RD3L: variants seen among roughly 807,000 people sequenced by gnomAD.
The protein encoded by RD3L is protein RD3-like.
A neutral mutation model predicts 12.5 loss-of-function variants in RD3L; 6 were observed. The observed-to-expected ratio is 0.48, with a 90% CI of 0.26 to 0.95. RD3L has a LOEUF of 0.95. Among genes scored for constraint, RD3L ranks in the 40% least tolerant of loss-of-function variants. The pLI is 0.14. For synonymous variants in RD3L, 87 were observed against 79.3 expected (o/e 1.10, Z -0.52); for missense variants, 234 against 228.6 (o/e 1.02, Z -0.15).
At chr14:103,941,793 G>A (rs2031253073) in intron 1 of RD3L, 91 bp from the exon 2 acceptor site, 6 of 932,288 alleles carry the variant, frequency 6.4e-6, no homozygotes, top group Non-Finnish European at 9.3e-6. Flanking sequence ...TGCCCGAAAA[G>A]TGCACGATTT....
At position 103,940,758 on chromosome 14, in the gene RD3L, A is replaced by G. The variant is rs1189617014; in HGVS notation, c.*48T>C. On this transcript the variant is annotated 3_prime_UTR_variant, in exon 3 of 3. Coordinates refer to ENST00000557640, the MANE Select transcript of RD3L (RefSeq NM_001257268.2). ...CACATCACTTTTTCTTATTCTTAAT[A>G]TTAGGAGTTCTAAGGTGTTCATAAA... The G allele has an allele frequency of 2.4e-6, 3 of 1,260,270 alleles. No individual in the cohort carries two copies. The highest frequency in any genetic ancestry group is 2.8e-5 in the South Asian group (2 of 72,330). The allele number at this position is 1,260,270 out of a possible 1,614,324, so 78.1% of individuals were successfully genotyped here. A position where few individuals can be genotyped will look rare whatever the true frequency, so the allele number is the denominator to read the frequency against.
In RD3L at chr14:103,941,384, A is replaced by T; in HGVS notation, c.299+13T>A. 1 of 1,519,818 alleles carries T rather than the reference A, an allele frequency of 6.6e-7. No individual in the cohort carries two copies. Among genetic ancestry groups the T allele is most frequent in the Non-Finnish European group, 8.8e-7 (1 of 1,135,042 alleles). 94.1% of individuals were successfully genotyped at this position (1,519,818 alleles called of 1,614,324 possible). On this transcript the variant is annotated intron_variant, in intron 2 of 2. Transcript: ENST00000557640. Reference sequence around the variant, plus strand: ...GCAGTAGCAGGAATCATAAGAGAACATAGTATTTTTACCTGCTGAGAATAG... The same window carrying T: ...GCAGTAGCAGGAATCATAAGAGAACTTAGTATTTTTACCTGCTGAGAATAG...
rs1240538864 is a variant in RD3L, at chr14:103,942,501, T to C, written c.-417A>G. ...CGAAGAATGGTCGTCTAAAGCACCA[T>C]AGATGCGCTCCGAGCTAGAGTGAAG... On this transcript the variant is annotated 5_prime_UTR_variant, in exon 1 of 3. The change abolishes an upstream ATG in the 5' untranslated region. Coordinates refer to ENST00000557640, the MANE Select transcript of RD3L (RefSeq NM_001257268.2). Among the ~76,000 whole-genome samples the C allele has an allele frequency of 3.3e-5, 5 of 152,210 alleles. No homozygotes were observed. The highest frequency in any genetic ancestry group is 5.9e-5 in the Non-Finnish European group (4 of 68,032).
In RD3L at chr14:103,941,471, T is replaced by G. The variant is rs577604191; in HGVS notation, c.225A>C (p.Pro75=). 2 of 1,535,394 alleles carry G rather than the reference T, an allele frequency of 1.3e-6. No individual in the cohort carries two copies. Among genetic ancestry groups the G allele is most frequent in the African/African-American group, 2.7e-5 (2 of 73,176 alleles). The change falls in exon 2 of 3, where the codon CCA becomes CCC. Residue 75 remains proline, a synonymous_variant. Coordinates refer to ENST00000557640, the MANE Select transcript of RD3L (RefSeq NM_001257268.2). Reference sequence around the variant, plus strand: ...CTTCAAGTTGTCTTTGTTCAGTCACTGGGATAGTTGTGTGGGGATTCTGGT... The same window carrying G: ...CTTCAAGTTGTCTTTGTTCAGTCACGGGGATAGTTGTGTGGGGATTCTGGT... ...RNYQNPHTTI[P]VTEQRQLEVL... is the part of the protein sequence containing the mutation.
chr14:103,941,574 C>T lies in RD3L; in HGVS notation c.122G>A (p.Arg41Gln), dbSNP rs983419285. The stretch of plus-strand genomic sequence containing the variant: ...TTCGATTTCTTGTATTAATCTCTCT[C>T]GCTCCTTTAGGTGCCATTTTAATTC... ...LRELKWHLKE[R>Q]ERLIQEIENE... The change falls in exon 2 of 3, where the codon CGA becomes CAA. Residue 41 changes from arginine (R) to glutamine (Q), a missense_variant. Transcript: ENST00000557640. 1.2e-5 allele frequency: 19 copies of T among 1,535,104 alleles called. No individual in the cohort carries two copies. Among genetic ancestry groups the T allele is most frequent in the Admixed American group, 7.9e-5 (4 of 50,948 alleles).
chr14:103,941,474 G>A lies in RD3L; in HGVS notation c.222C>T (p.Ile74=). Residue 74 remains isoleucine (I), a synonymous_variant, in exon 2 of 3, where the codon ATC becomes ATT. Coordinates refer to ENST00000557640, the MANE Select transcript of RD3L (RefSeq NM_001257268.2). ...CAAGTTGTCTTTGTTCAGTCACTGG[G>A]ATAGTTGTGTGGGGATTCTGGTAGT... ...LRNYQNPHTT[I]PVTEQRQLEV... 1.3e-6 allele frequency: 2 copies of A among 1,535,278 alleles called. No individual in the cohort carries two copies. Among genetic ancestry groups the A allele is most frequent in the African/African-American group, 1.4e-5 (1 of 73,164 alleles).
rs1254896859 is a variant in RD3L, at chr14:103,940,658, TA to T, written c.*147del. The T allele has an allele frequency of 1.7e-6, 1 of 581,196 alleles. No individual in the cohort carries two copies. The highest frequency in any genetic ancestry group is 3.0e-6 in the Non-Finnish European group (1 of 332,236). The allele number at this position is 581,196 out of a possible 1,614,324, so 36.0% of individuals were successfully genotyped here. On this transcript the variant is annotated 3_prime_UTR_variant, in exon 3 of 3. Transcript: ENST00000557640. ...GAAAACATAGCATGTTTAGAGTGGT[TA>T]AAAAAAGAACACTATTTAAAACATA...
chr14:103,941,190 A>T, intron 2 of RD3L, 87 bp from the exon 3 acceptor site: 3 of 1,096,768 alleles, frequency 2.7e-6, no homozygotes, highest in Non-Finnish European at 3.8e-6. Context: ...AATAATGTAT[A>T]CAAGTTACCC....
intron 2 of RD3L, 46 bp downstream of exon 2, chr14:103,941,351 T>G (rs1294565721): frequency 6.5e-6 from 9 of 1,378,428 alleles, no homozygotes; most frequent in Non-Finnish European, 8.8e-6. Context: ...ATGAGGAACT[T>G]GGACTTAGCA....
At position 103,941,369 on chromosome 14, in the gene RD3L, G is replaced by T. The variant is rs945493029; in HGVS notation, c.299+28C>A. On this transcript the variant is annotated intron_variant, in intron 2 of 2. Coordinates refer to ENST00000557640, the MANE Select transcript of RD3L (RefSeq NM_001257268.2). ...AGGAACTTGGACTTAGCAGTAGCAG[G>T]AATCATAAGAGAACATAGTATTTTT... 11 of 1,483,870 alleles carry T rather than the reference G, an allele frequency of 7.4e-6. No homozygotes were observed. The African/African-American group carries it at 1.4e-4, about 19-fold the overall frequency. 91.9% of individuals were successfully genotyped at this position (1,483,870 alleles called of 1,614,324 possible). A position where few individuals can be genotyped will look rare whatever the true frequency, so the allele number is the denominator to read the frequency against.
At chr14:103,942,018 T>C (rs2031266550) in intron 1 of RD3L, 74 bp downstream of exon 1, 1 of 255,422 alleles carries the variant, frequency 3.9e-6, no homozygotes, top group East Asian at 9.4e-5. Context: ...AGACTTAAAA[T>C]ATTAATGTCG....
Position 103,942,229 on chromosome 14 carries a change from GAAACTGTATTTGAAATA to G in RD3L, c.-162_-146del, listed in dbSNP as rs1355880185. 6.6e-6 allele frequency: 1 copy of G among 152,514 alleles called. No homozygotes were observed. The highest frequency in any genetic ancestry group is 1.5e-5 in the Non-Finnish European group (1 of 68,346). 9.4% of individuals were successfully genotyped at this position (152,514 alleles called of 1,614,324 possible). On this transcript the variant is annotated 5_prime_UTR_variant, in exon 1 of 3. Transcript: ENST00000557640. ...GAATGCGCCACCTTATTTACCCACC[GAAACTGTATTTGAAATA>G]AATAACTTTCTGTGTTAGGAATGAG...
In RD3L at chr14:103,940,669, C is replaced by T. The variant is rs2031166146; in HGVS notation, c.*137G>A. On this transcript the variant is annotated 3_prime_UTR_variant, in exon 3 of 3. Transcript: ENST00000557640. ...ATGTTTAGAGTGGTTAAAAAAAGAA[C>T]ACTATTTAAAACATAGGCTACATCC... 3.4e-6 allele frequency: 2 copies of T among 584,056 alleles called. No individual in the cohort carries two copies. Among genetic ancestry groups the T allele is most frequent in the Admixed American group, 6.3e-5 (2 of 31,778 alleles). 36.2% of individuals were successfully genotyped at this position (584,056 alleles called of 1,614,324 possible). A position where few individuals can be genotyped will look rare whatever the true frequency, so the allele number is the denominator to read the frequency against.
rs913284083 is a variant in RD3L, at chr14:103,940,738, C to A, written c.*68G>T. 4.6e-6 allele frequency: 5 copies of A among 1,078,278 alleles called. No individual in the cohort carries two copies. The African/African-American group carries it at 7.9e-5, about 17-fold the overall frequency. The allele number at this position is 1,078,278 out of a possible 1,614,324, so 66.8% of individuals were successfully genotyped here. On this transcript the variant is annotated 3_prime_UTR_variant, in exon 3 of 3. Transcript: ENST00000557640. ...AACAAAGAAAAACTTGAAGTCACAT[C>A]ACTTTTTCTTATTCTTAATATTAGG...
chr14:103,941,023 A>G lies in RD3L; in HGVS notation c.380T>C (p.Leu127Pro), dbSNP rs1196283729. ...CTCACTCCCTCTGTCAGAGCTGCTTAGGAAGTCTTTCAGAACTTGCTTGAA... is the reference window on the plus strand; with the variant it reads ...CTCACTCCCTCTGTCAGAGCTGCTTGGGAAGTCTTTCAGAACTTGCTTGAA... ...YIFKQVLKDF[L>P]SSSDRGSEQE... Residue 127 changes from leucine to proline, a missense_variant, in exon 3 of 3, where the codon CTA (leucine) becomes CCA (proline). Coordinates refer to ENST00000557640, the MANE Select transcript of RD3L (RefSeq NM_001257268.2). The G allele has an allele frequency of 1.3e-6, 2 of 1,535,288 alleles. No homozygotes were observed. Among genetic ancestry groups the G allele is most frequent in the Non-Finnish European group, 1.7e-6 (2 of 1,146,670 alleles).
Position 103,941,427 on chromosome 14 carries a change from T to C in RD3L, c.269A>G (p.Gln90Arg). 1 of 1,535,266 alleles carries C rather than the reference T, an allele frequency of 6.5e-7. No individual in the cohort carries two copies. The highest frequency in any genetic ancestry group is 8.7e-7 in the Non-Finnish European group (1 of 1,146,638). ...GAGAATAGTTCCAGTTTGGCAAGGTTGAACTTGTGAGCAAAGAACTTCAAG... is the reference window on the plus strand; with the variant it reads ...GAGAATAGTTCCAGTTTGGCAAGGTCGAACTTGTGAGCAAAGAACTTCAAG... ...RQLEVLCSQV[Q>R]PCQTGTILSR... Residue 90 changes from glutamine to arginine, a missense_variant, in exon 2 of 3, where the codon CAA becomes CGA. Transcript: ENST00000557640.
Position 103,940,943 on chromosome 14 carries a change from G to C in RD3L, c.460C>G (p.Gln154Glu), listed in dbSNP as rs1251016553. ...SMDCSAPSVI[Q>E]GDSSKRADKD... Reference sequence around the variant, plus strand: ...TCTGCCCTCTTGGAGCTGTCACCTTGGATCACAGAAGGAGCAGAGCAGTCC... The same window carrying C: ...TCTGCCCTCTTGGAGCTGTCACCTTCGATCACAGAAGGAGCAGAGCAGTCC... The change falls in exon 3 of 3, where the codon CAA (glutamine) becomes GAA (glutamate). Residue 154 changes from glutamine (Q) to glutamate (E), a missense_variant. Transcript: ENST00000557640. The C allele has an allele frequency of 6.5e-7, 1 of 1,535,428 alleles. No homozygotes were observed. Among genetic ancestry groups the C allele is most frequent in the East Asian group, 2.4e-5 (1 of 40,908 alleles).
chr14:103,941,441 A>G lies in RD3L; in HGVS notation c.255T>C (p.Leu85=). The G allele has an allele frequency of 6.5e-7, 1 of 1,535,366 alleles. No individual in the cohort carries two copies. The highest frequency in any genetic ancestry group is 8.7e-7 in the Non-Finnish European group (1 of 1,146,674). ...PVTEQRQLEV[L]CSQVQPCQTG... is the part of the protein sequence containing the mutation. The stretch of plus-strand genomic sequence containing the variant: ...TTTGGCAAGGTTGAACTTGTGAGCA[A>G]AGAACTTCAAGTTGTCTTTGTTCAG... Residue 85 remains leucine (L), a synonymous_variant, in exon 2 of 3, where the codon CTT becomes CTC. Coordinates refer to ENST00000557640, the MANE Select transcript of RD3L (RefSeq NM_001257268.2).
At position 103,941,070 on chromosome 14, in the gene RD3L, C is replaced by T; in HGVS notation, c.333G>A (p.Leu111=). The change falls in exon 3 of 3, where the codon CTG becomes CTA. Residue 111 remains leucine (L), a synonymous_variant. Coordinates refer to ENST00000557640, the MANE Select transcript of RD3L (RefSeq NM_001257268.2). ...TGAAGATGTAGACTATTTCCCATGG[C>T]AGTACATCATTTTCTGCCAAAACTT... ...FREVLAENDV[L]PWEIVYIFKQ... is the part of the protein sequence containing the mutation. 6.5e-7 allele frequency: 1 copy of T among 1,534,912 alleles called. No individual in the cohort carries two copies. Among genetic ancestry groups the T allele is most frequent in the Non-Finnish European group, 8.7e-7 (1 of 1,146,338 alleles).
Sources: gnomAD v4.1 joint callset for allele counts (sites outside exome capture counted in the v4.1 genomes callset) on GRCh38, gnomAD v4.1.1 for gene constraint, MANE v1.5 for transcripts, NCBI Gene and HGNC (gene_info 2026-07-23, HGNC 2026-07-21) for gene names.